The following KLHL12 variants were observed in gnomAD, a reference collection of about 807,000 sequenced individuals.
KLHL12 encodes the protein kelch like family member 12.
Under a neutral mutation model 60.8 loss-of-function variants are expected in KLHL12, and 17 were observed. The ratio of observed to expected loss-of-function variants is 0.28; its 90% CI spans 0.19 to 0.42. KLHL12 has a LOEUF of 0.42. Ranked by LOEUF, KLHL12 falls within the 10% of genes least tolerant of loss-of-function variation. The pLI, the probability that KLHL12 is intolerant of heterozygous loss-of-function variation, is 1.00. For missense variants in KLHL12, 468 were observed against 722.3 expected, an observed-to-expected ratio of 0.65 and a Z score of 4.04; for synonymous variants, 220 against 250.9, an observed-to-expected ratio of 0.88 and a Z score of 1.16.
chr1:202,891,363 T>C lies in KLHL12; in HGVS notation c.*1170A>G, dbSNP rs1476345712. The C allele has an allele frequency of 1.3e-5, 2 of 152,556 alleles. No homozygotes were observed. The highest frequency in any genetic ancestry group is 4.8e-5 in the African/African-American group (2 of 41,414). 9.5% of individuals were successfully genotyped at this position (152,556 alleles called of 1,614,324 possible). A position where few individuals can be genotyped will look rare whatever the true frequency, so the allele number is the denominator to read the frequency against. On this transcript the variant is annotated 3_prime_UTR_variant, in exon 12 of 12. Transcript: ENST00000367261. ...ACTGAAACTAACAAAAGGATTTTGG[T>C]TGTCCTTGATTATTCTGTCCTGTGA...
intron 6 of KLHL12, among the ~76,000 whole-genome samples, chr1:202,908,463 C>T (rs1249855223): frequency 6.6e-6 from 1 of 152,300 alleles, no homozygotes; most frequent in East Asian, 1.9e-4. Flanking sequence ...ATTCCATTTA[C>T]AGATGAGGCA....
Position 202,917,709 on chromosome 1 carries a change from C to T in KLHL12, c.567+462G>A, listed in dbSNP as rs148026596. Among the ~76,000 whole-genome samples the T allele has an allele frequency of 2.1e-3, 326 of 152,308 alleles. 1 individual carries two copies. Among genetic ancestry groups the T allele is most frequent in the Non-Finnish European group, 3.1e-3 (209 of 68,026 alleles). On this transcript the variant is annotated intron_variant, in intron 4 of 11. Transcript: ENST00000367261. ...TTACTTTGTATAGGCTCACTATTCT[C>T]ATGATCCTCTTTATAACATTTTTTT...
At chr1:202,905,085 C>G (rs1003888043) in intron 6 of KLHL12, among the ~76,000 whole-genome samples, 19 of 152,260 alleles carry the variant, frequency 1.2e-4, no homozygotes, top group African/African-American at 3.9e-4. Flanking sequence ...CAAAGCGATA[C>G]TAAGAATCTA....
rs575170217 is a variant in KLHL12, at chr1:202,893,496, G to A, written c.1394-71C>T. On this transcript the variant is annotated intron_variant, in intron 10 of 11. Coordinates refer to ENST00000367261, the MANE Select transcript of KLHL12 (RefSeq NM_021633.4). The surrounding 1 kb of genome is among the most constrained non-coding windows in gnomAD (Gnocchi z 4.1). ...AATCTGAATTATAGAAATAAACTACGGTCACTAATGACTAGCTGAGTTCTA... is the reference window on the plus strand; with the variant it reads ...AATCTGAATTATAGAAATAAACTACAGTCACTAATGACTAGCTGAGTTCTA... The A allele has an allele frequency of 3.6e-5, 47 of 1,316,222 alleles. 1 individual carries two copies. The Middle Eastern group carries it at 1.0e-3, about 28-fold the overall frequency. The allele number at this position is 1,316,222 out of a possible 1,614,324, so 81.5% of individuals were successfully genotyped here.
chr1:202,927,000 G>A (rs1571549650), intron 1 of KLHL12, 89 bp downstream of exon 1: 1 of 930,928 alleles, frequency 1.1e-6, no homozygotes, highest in Non-Finnish European at 1.3e-6. Flanking sequence ...CCGCCTTGCA[G>A]GGAGACCAAG....
Position 202,895,638 on chromosome 1 carries a change from C to T in KLHL12, c.1019G>A (p.Arg340His), listed in dbSNP as rs1659810069. 1.2e-6 allele frequency: 2 copies of T among 1,614,066 alleles called. No homozygotes were observed. Among genetic ancestry groups the T allele is most frequent in the Non-Finnish European group, 1.7e-6 (2 of 1,179,966 alleles). Residue 340 changes from arginine (R) to histidine (H), a missense_variant, in exon 8 of 12, where the codon CGT (arginine) becomes CAT (histidine). Arg to His is a conservative substitution (Grantham distance 29). Coordinates refer to ENST00000367261, the MANE Select transcript of KLHL12 (RefSeq NM_021633.4). The surrounding 1 kb of genome is among the most constrained non-coding windows in gnomAD (Gnocchi z 4.2). The stretch of plus-strand genomic sequence containing the variant: ...ACATTCCACTGAACTAAGGCGGGAA[C>T]GGCCATCATAGCCACCAATGACGTA... ...RIYVIGGYDG[R>H]SRLSSVECLD...
At chr1:202,920,612 G>A (rs1385654871) in intron 2 of KLHL12, among the ~76,000 whole-genome samples, 2 of 151,858 alleles carry the variant, frequency 1.3e-5, no homozygotes, top group African/African-American at 2.4e-5. Flanking sequence ...TCCTCACCTC[G>A]TGATCCGCCT....
In KLHL12 at chr1:202,895,012, C is replaced by G. The variant is rs1007900954; in HGVS notation, c.1136-263G>C. On this transcript the variant is annotated intron_variant, in intron 8 of 11. Coordinates refer to ENST00000367261, the MANE Select transcript of KLHL12 (RefSeq NM_021633.4). This position sits in a 1 kb window ranked among gnomAD's most constrained non-coding sequence, Gnocchi z 4.2. Reference sequence around the variant, plus strand: ...CAGTTCCCCACCCAGCACATTGGAACTTGATTTGCCAACTTTGTAGTCAAT... The same window carrying G: ...CAGTTCCCCACCCAGCACATTGGAAGTTGATTTGCCAACTTTGTAGTCAAT... 6.6e-6 allele frequency among the ~76,000 whole-genome samples: 1 copy of G among 152,186 alleles called. No individual in the cohort carries two copies. Among genetic ancestry groups the G allele is most frequent in the African/African-American group, 2.4e-5 (1 of 41,454 alleles).
At chr1:202,923,092 G>C (rs10920522) in intron 2 of KLHL12, among the ~76,000 whole-genome samples, 4 of 152,098 alleles carry the variant, frequency 2.6e-5, no homozygotes, top group Non-Finnish European at 5.9e-5. Context: ...TCTCTCCTTT[G>C]AACAATTACT....
intron 6 of KLHL12, among the ~76,000 whole-genome samples, chr1:202,905,716 C>T (rs894610077): frequency 3.3e-5 from 5 of 152,180 alleles, no homozygotes; most frequent in Non-Finnish European, 5.9e-5. Context: ...CAAAATGCTT[C>T]AATGAGCATT....
At chr1:202,927,014 G>C (rs114170147) in intron 1 of KLHL12, 75 bp downstream of exon 1, 55,612 of 953,168 alleles carry the variant, frequency 0.058, 1,754 homozygotes, top group Non-Finnish European at 0.064. Flanking sequence ...GACCAAGGAT[G>C]GGGGGTAGGG....
chr1:202,917,620 T>C (rs1284566847), intron 4 of KLHL12, among the ~76,000 whole-genome samples: 2 of 152,378 alleles, frequency 1.3e-5, no homozygotes, highest in African/African-American at 2.4e-5. Context: ...TCCAAACTTT[T>C]GTCTCTTCAT....
chr1:202,905,365 A>G (rs76259261), intron 6 of KLHL12, among the ~76,000 whole-genome samples: 1 of 152,212 alleles, frequency 6.6e-6, no homozygotes, highest in Non-Finnish European at 1.5e-5. Context: ...CAAAAAGGAA[A>G]CATTTTTCTG....
chr1:202,915,776 T>C (rs1660505560), intron 4 of KLHL12, among the ~76,000 whole-genome samples: 1 of 152,168 alleles, frequency 6.6e-6, no homozygotes, highest in South Asian at 2.1e-4. Context: ...TTTCCTCCTG[T>C]GAAAAATGAA....
In KLHL12 at chr1:202,912,899, A is replaced by G. The variant is rs146339370; in HGVS notation, c.568-1696T>C. Among the ~76,000 whole-genome samples the G allele has an allele frequency of 5.1e-3, 771 of 152,284 alleles. 7 individuals carry two copies. The highest frequency in any genetic ancestry group is 0.017 in the African/African-American group (706 of 41,558). On this transcript the variant is annotated intron_variant, in intron 4 of 11. Coordinates refer to ENST00000367261, the MANE Select transcript of KLHL12 (RefSeq NM_021633.4). ...ATGTGTATGGGCAAAAAACTCGAGG[A>G]CTGTATTTGTGACTAATTGTGTAAC...
intron 6 of KLHL12, among the ~76,000 whole-genome samples, chr1:202,905,612 C>T (rs6686804): frequency 0.78 from 119,327 of 152,042 alleles, 47,937 homozygotes; most frequent in East Asian, 0.89. Context: ...CGACAAGAAG[C>T]GCTACAGATT....
At chr1:202,902,378 C>G (rs753812432) in intron 6 of KLHL12, among the ~76,000 whole-genome samples, 2 of 150,754 alleles carry the variant, frequency 1.3e-5, no homozygotes, top group Non-Finnish European at 3.0e-5. Flanking sequence ...TGCAGTGAGC[C>G]GAGATCACAC....
chr1:202,913,531 A>T (rs1195837217), intron 4 of KLHL12, among the ~76,000 whole-genome samples: 1 of 152,194 alleles, frequency 6.6e-6, no homozygotes, highest in African/African-American at 2.4e-5. Flanking sequence ...AGATATGGTG[A>T]ACAAATCAGA....
chr1:202,927,205 G>A lies in KLHL12; in HGVS notation c.-162C>T, dbSNP rs1306080550. ...GCCGAAGCGCCGCCCAGACCCGGAGGCTCTGGAGGCTCTGGAGCCGTCCGG... is the reference window on the plus strand; with the variant it reads ...GCCGAAGCGCCGCCCAGACCCGGAGACTCTGGAGGCTCTGGAGCCGTCCGG... On this transcript the variant is annotated 5_prime_UTR_variant, in exon 1 of 12. Coordinates refer to ENST00000367261, the MANE Select transcript of KLHL12 (RefSeq NM_021633.4). 1.0e-6 allele frequency: 1 copy of A among 985,104 alleles called. No homozygotes were observed. Among genetic ancestry groups the A allele is most frequent in the Non-Finnish European group, 1.2e-6 (1 of 829,896 alleles). 61.0% of individuals were successfully genotyped at this position (985,104 alleles called of 1,614,324 possible). A position where few individuals can be genotyped will look rare whatever the true frequency, so the allele number is the denominator to read the frequency against.
Sources: allele counts gnomAD v4.1 joint callset (sites outside exome capture counted in the v4.1 genomes callset), GRCh38; gene constraint gnomAD v4.1.1; non-coding constraint Gnocchi (gnomAD v3.1); transcripts MANE v1.5; gene names NCBI Gene and HGNC (gene_info 2026-07-23, HGNC 2026-07-21).